DOCK4: variants seen among roughly 807,000 people sequenced by gnomAD.
The protein encoded by DOCK4 is dedicator of cytokinesis protein 4.
DOCK4 carries 97 observed loss-of-function variants against 268.1 expected under a neutral mutation model. The observed-to-expected ratio is 0.36, with a 90% CI of 0.31 to 0.43. DOCK4 has a LOEUF of 0.43. DOCK4 is among the 20% of genes least tolerant of loss of function. The pLI is 1.00. For missense variants in DOCK4, 2,145 were observed against 2,455.7 expected, an observed-to-expected ratio of 0.87 and a Z score of 2.67; for synonymous variants, 954 against 887.2, an observed-to-expected ratio of 1.08 and a Z score of -1.34.
chr7:111,976,223 CGT>C (rs1353783071), intron 8 of DOCK4, among the ~76,000 whole-genome samples: 4 of 48,006 alleles, frequency 8.3e-5, no homozygotes, highest in Non-Finnish European at 1.2e-4. Flanking sequence ...TGTGTGTGTG[CGT>C]GTGTGTGTAT....
chr7:111,815,508 T>C (rs905046564), intron 27 of DOCK4, among the ~76,000 whole-genome samples: 3 of 152,240 alleles, frequency 2.0e-5, no homozygotes, highest in Admixed American at 1.3e-4. Flanking sequence ...TGTTTGAATA[T>C]GGGGATATTG....
rs115082706 is a variant in DOCK4 at position 111,857,963 on chromosome 7, C to T, written c.2473+5409G>A. Among the ~76,000 whole-genome samples the T allele has an allele frequency of 4.6e-3, 702 of 152,232 alleles. 6 individuals carry two copies. Among genetic ancestry groups the T allele is most frequent in the African/African-American group, 0.015 (639 of 41,528 alleles). On this transcript the variant is annotated intron_variant, in intron 23 of 52. Transcript: ENST00000428084. ...GCTTTAAATAAGTCCACCTGGATCC[C>T]AGATTATTTAGACATTAAATACCAA...
At position 112,037,859 on chromosome 7, in the gene DOCK4, A is replaced by G. The variant is rs80165526; in HGVS notation, c.38-33728T>C. On this transcript the variant is annotated intron_variant, in intron 1 of 52. Coordinates refer to ENST00000428084, the MANE Select transcript of DOCK4 (RefSeq NM_001363540.2). Reference sequence around the variant, plus strand: ...TATATCATTTTACATTTCCACCAGGACTGTATGAAAGTTCCAGTTGCTCCA... The same window carrying G: ...TATATCATTTTACATTTCCACCAGGGCTGTATGAAAGTTCCAGTTGCTCCA... Among the ~76,000 whole-genome samples, 1,236 of 152,282 alleles carry G rather than the reference A, an allele frequency of 8.1e-3. 8 individuals are homozygous for G. Among genetic ancestry groups the G allele is most frequent in the Admixed American group, 0.016 (246 of 15,294 alleles).
Position 112,167,752 on chromosome 7 carries a change from T to C in DOCK4, c.37+38350A>G, listed in dbSNP as rs536071314. Among the ~76,000 whole-genome samples, 3 of 152,310 alleles carry C rather than the reference T, an allele frequency of 2.0e-5. No individual in the cohort carries two copies. In the East Asian group the frequency reaches 5.8e-4, roughly 29 times the overall value. On this transcript the variant is annotated intron_variant, in intron 1 of 52. Coordinates refer to ENST00000428084, the MANE Select transcript of DOCK4 (RefSeq NM_001363540.2). ...TTAAATAACTCAATTAATCAGTACATGCCTTGATTGTTTCTTAAGGAAAAA... is the reference window on the plus strand; with the variant it reads ...TTAAATAACTCAATTAATCAGTACACGCCTTGATTGTTTCTTAAGGAAAAA...
At chr7:111,863,343 C>T (rs772112938) in intron 23 of DOCK4, 29 bp downstream of exon 23, 9 of 1,613,566 alleles carry the variant, frequency 5.6e-6, no homozygotes. Flanking sequence ...TTTTCAGAGG[C>T]ACAATTTCCT....
rs1369178025 is a variant in DOCK4 at position 111,735,068 on chromosome 7, C to T, written c.5405G>A (p.Arg1802Lys). 1 of 1,592,712 alleles carries T rather than the reference C, an allele frequency of 6.3e-7. No individual in the cohort carries two copies. Among genetic ancestry groups the T allele is most frequent in the African/African-American group, 1.3e-5 (1 of 74,630 alleles). ...GKLISPPVPPRPTQTASPARH... is the reference protein window; with the variant it reads ...GKLISPPVPPKPTQTASPARH... ...CAAATACCCACCAGTCTGTGTGGGT[C>T]TTGGAGGGACAGGGGGAGAGATAAG... Residue 1802 changes from arginine (R) to lysine (K), a missense_variant, in exon 51 of 53, where the codon AGA (arginine) becomes AAA (lysine). This residue lies in a region of DOCK4 where 547 missense variants were observed against 469.0 expected (regional missense o/e 1.17). Transcript: ENST00000428084.
At chr7:111,988,976 T>A (rs1234261539) in intron 6 of DOCK4, 39 bp downstream of exon 6, 1 of 1,576,422 alleles carries the variant, frequency 6.3e-7, no homozygotes, top group Non-Finnish European at 8.6e-7. Context: ...TCCATTGTGT[T>A]CACCTACTAG....
chr7:111,973,186 T>TATATATATATAA (rs1554399511), intron 8 of DOCK4, among the ~76,000 whole-genome samples: 7 of 137,562 alleles, frequency 5.1e-5, no homozygotes, highest in African/African-American at 1.0e-4. Context: ...TATATATATA[T>TATATATATATAA]AATATTTTCT....
intron 1 of DOCK4, among the ~76,000 whole-genome samples, chr7:112,168,635 G>A (rs1472043572): frequency 2.0e-5 from 3 of 152,132 alleles, no homozygotes; most frequent in Non-Finnish European, 4.4e-5. Flanking sequence ...AACCTGGGAG[G>A]TCAAGGCTTC....
At chr7:111,823,812 A>C (rs1371075738) in intron 26 of DOCK4, among the ~76,000 whole-genome samples, 16 of 152,258 alleles carry the variant, frequency 1.1e-4, no homozygotes, top group Non-Finnish European at 2.4e-4. Flanking sequence ...TATTTATCAA[A>C]TACAATGACA....
intron 11 of DOCK4, among the ~76,000 whole-genome samples, chr7:111,939,409 G>A (rs917284096): frequency 6.6e-6 from 1 of 151,544 alleles, no homozygotes; most frequent in African/African-American, 2.4e-5. Flanking sequence ...CAGCTACTCA[G>A]GAGGCTGGGG....
chr7:111,784,349 G>C (rs1033975949), intron 32 of DOCK4: 6 of 691,846 alleles, frequency 8.7e-6, no homozygotes, highest in African/African-American at 5.3e-5. Context: ...TTTTAAGCAA[G>C]ATCTTGCTTT....
intron 50 of DOCK4, among the ~76,000 whole-genome samples, chr7:111,735,986 T>C (rs1795447185): frequency 6.6e-6 from 1 of 152,224 alleles, no homozygotes; most frequent in South Asian, 2.1e-4. Context: ...GCATCGTGGT[T>C]TTCTTTAGTA....
chr7:112,184,030 T>A (rs1819277476), intron 1 of DOCK4, among the ~76,000 whole-genome samples: 1 of 152,146 alleles, frequency 6.6e-6, no homozygotes, highest in African/African-American at 2.4e-5. Flanking sequence ...CCACCTTGCC[T>A]CTCCTAGGAC....
intron 26 of DOCK4, among the ~76,000 whole-genome samples, chr7:111,826,151 T>C (rs1010502411): frequency 1.3e-5 from 2 of 152,138 alleles, no homozygotes; most frequent in African/African-American, 4.8e-5. Flanking sequence ...GATACATGTA[T>C]GCTTTGAAAA....
chr7:111,959,733 C>T (rs1183855022), intron 8 of DOCK4, among the ~76,000 whole-genome samples: 3 of 152,130 alleles, frequency 2.0e-5, no homozygotes, highest in African/African-American at 7.2e-5. Context: ...ATTGAAAAGG[C>T]TATTAGATTG....
chr7:112,066,690 CATATATATATATATATATATATAT>C lies in DOCK4; in HGVS notation c.38-62583_38-62560del, dbSNP rs751631282. ...ATATACATATACATATATACATATA[CATATATATATATATATATATATAT>C]ATATATATATATATATATATATATA... is the stretch of plus-strand genomic sequence containing the variant. On this transcript the variant is annotated intron_variant, in intron 1 of 52. Transcript: ENST00000428084. Among the ~76,000 whole-genome samples the C allele has an allele frequency of 2.6e-3, 54 of 21,002 alleles. 2 individuals are homozygous for C. Among genetic ancestry groups the C allele is most frequent in the South Asian group, 0.019 (13 of 682 alleles). 13.8% of individuals were successfully genotyped at this position (21,002 alleles called of 152,430 possible). A position where few individuals can be genotyped will look rare whatever the true frequency, so the allele number is the denominator to read the frequency against.
chr7:112,196,398 T>G (rs1017597821), intron 1 of DOCK4, among the ~76,000 whole-genome samples: 2 of 152,154 alleles, frequency 1.3e-5, no homozygotes, highest in African/African-American at 2.4e-5. Flanking sequence ...TGCAATACTT[T>G]CAAAGCAACT....
chr7:111,953,500 G>A (rs1199715112), intron 8 of DOCK4, among the ~76,000 whole-genome samples: 1 of 152,158 alleles, frequency 6.6e-6, no homozygotes, highest in Non-Finnish European at 1.5e-5. Flanking sequence ...TGTAAGATAT[G>A]TCCAATAATC....
Sources: gnomAD v4.1 joint callset for allele counts (sites outside exome capture counted in the v4.1 genomes callset) on GRCh38, gnomAD v4.1.1 for gene constraint, gnomAD v4.1.1 regional missense constraint, MANE v1.5 for transcripts, NCBI Gene and HGNC (gene_info 2026-07-23, HGNC 2026-07-21) for gene names.